Variants in PCDH11Y observed in about 807,000 individuals in gnomAD.
The protein encoded by PCDH11Y is protocadherin 11 Y-linked.
For synonymous variants in PCDH11Y, 9 were observed against 83.6 expected, an observed-to-expected ratio of 0.11 and a Z score of 4.87; for missense variants, 12 against 224.8, an observed-to-expected ratio of 0.05 and a Z score of 6.05.
chrY:5,654,150 C>G, intron 4 of PCDH11Y, among the ~76,000 whole-genome samples: 4 of 33,103 alleles, frequency 1.2e-4, no homozygotes, highest in African/African-American at 2.4e-4. Flanking sequence ...CCAGCCACTA[C>G]AAACACATGC....
intron 3 of PCDH11Y, among the ~76,000 whole-genome samples, chrY:5,511,972 C>T: frequency 1.2e-4 from 4 of 32,517 alleles, no homozygotes; most frequent in Admixed American, 1.1e-3. Flanking sequence ...TGAAGAGAAG[C>T]ATTCTATTGG....
At chrY:5,004,435 G>C (rs2052536987) in intron 1 of PCDH11Y, among the ~76,000 whole-genome samples, 1 of 33,926 alleles carries the variant, frequency 2.9e-5, no homozygotes, top group Non-Finnish European at 7.3e-5. Context: ...ATTCTTGATA[G>C]AGAGCTTCCA....
At chrY:5,046,424 G>A (rs2052639486) in intron 3 of PCDH11Y, among the ~76,000 whole-genome samples, 3 of 33,722 alleles carry the variant, frequency 8.9e-5, no homozygotes, top group East Asian at 7.9e-4. Flanking sequence ...TAGGCTGCTC[G>A]GGGGTCAGGG....
intron 3 of PCDH11Y, chrY:5,573,457 G>A: frequency 3.4e-6 from 1 of 297,682 alleles, no homozygotes. Context: ...ACTGAGAACC[G>A]TAGGCTGGAG....
chrY:5,320,827 G>A (rs1602903936), intron 2 of PCDH11Y, among the ~76,000 whole-genome samples: 1 of 33,246 alleles, frequency 3.0e-5, no homozygotes, highest in African/African-American at 1.2e-4. Flanking sequence ...AATAAATATA[G>A]ATTCATTCTG....
chrY:5,496,085 C>T (rs371193483), intron 2 of PCDH11Y, among the ~76,000 whole-genome samples: 9 of 33,389 alleles, frequency 2.7e-4, no homozygotes, highest in African/African-American at 1.1e-3. Context: ...TTCATGAAAA[C>T]GCCAGGATTT....
chrY:5,379,114 T>C, intron 2 of PCDH11Y, among the ~76,000 whole-genome samples: 1 of 32,300 alleles, frequency 3.1e-5, no homozygotes, highest in Non-Finnish European at 7.5e-5. Flanking sequence ...AGTCTACCTA[T>C]CTATTGATTG....
intron 4 of PCDH11Y, among the ~76,000 whole-genome samples, chrY:5,594,482 CCACA>C: frequency 3.2e-5 from 1 of 31,345 alleles, no homozygotes; most frequent in South Asian, 7.3e-4. Context: ...CACACACACC[CCACA>C]CACACACACC....
intron 4 of PCDH11Y, among the ~76,000 whole-genome samples, chrY:5,667,758 ATGT>A (rs2053546195): frequency 3.0e-5 from 1 of 33,153 alleles, no homozygotes; most frequent in Non-Finnish European, 7.4e-5. Flanking sequence ...ATAGTTGCTG[ATGT>A]TGTCAAACCT....
intron 2 of PCDH11Y, among the ~76,000 whole-genome samples, chrY:5,365,901 G>A: frequency 3.0e-5 from 1 of 33,116 alleles, no homozygotes; most frequent in South Asian, 6.6e-4. Flanking sequence ...TTATTAGTAT[G>A]GGCCCATACC....
At chrY:5,116,400 C>A in intron 2 of PCDH11Y, among the ~76,000 whole-genome samples, 1 of 33,313 alleles carries the variant, frequency 3.0e-5, no homozygotes, top group African/African-American at 1.2e-4. Context: ...AAGTCGGTGA[C>A]TATTTTCTTC....
downstream of PCDH11Y, among the ~76,000 whole-genome samples, chrY:5,108,115 T>G (rs13305340): frequency 3.2e-5 from 1 of 31,417 alleles, no homozygotes; most frequent in African/African-American, 1.2e-4. Context: ...AAAGGAACTT[T>G]TAGTGAACTT....
At chrY:5,421,505 A>G (rs2053258296) in intron 2 of PCDH11Y, among the ~76,000 whole-genome samples, 1 of 31,387 alleles carries the variant, frequency 3.2e-5, no homozygotes, top group South Asian at 7.1e-4. Flanking sequence ...AAAGTTCTCA[A>G]CAAACATTAG....
chrY:5,183,489 C>G, intron 2 of PCDH11Y, among the ~76,000 whole-genome samples: 1 of 31,130 alleles, frequency 3.2e-5, no homozygotes, highest in South Asian at 7.5e-4. Flanking sequence ...TAAACTGTTA[C>G]TTGTTCTTCT....
chrY:5,506,017 A>G (rs2053358734), intron 3 of PCDH11Y, among the ~76,000 whole-genome samples: 1 of 32,507 alleles, frequency 3.1e-5, no homozygotes, highest in African/African-American at 1.2e-4. Flanking sequence ...GTGAAACGTT[A>G]AAAGAATAAG....
At chrY:5,027,696 A>C in intron 1 of PCDH11Y, among the ~76,000 whole-genome samples, 1 of 18,289 alleles carries the variant, frequency 5.5e-5, no homozygotes, top group African/African-American at 2.7e-4. Flanking sequence ...GTGCTAAAAC[A>C]CCTCCACTTA....
intron 4 of PCDH11Y, among the ~76,000 whole-genome samples, chrY:5,677,187 G>A (rs2124709102): frequency 3.1e-5 from 1 of 32,164 alleles, no homozygotes; most frequent in South Asian, 7.3e-4. Flanking sequence ...GAGCAAAGGG[G>A]GAAAAGCCCT....
intron 1 of PCDH11Y, among the ~76,000 whole-genome samples, chrY:5,072,615 C>T (rs2052702024): frequency 7.3e-4 from 24 of 32,902 alleles, no homozygotes; most frequent in Non-Finnish European, 3.7e-4. Context: ...ACTGACTGTA[C>T]ATCAGAAAAT....
intron 4 of PCDH11Y, among the ~76,000 whole-genome samples, chrY:5,684,820 C>A (rs2053561984): frequency 3.2e-5 from 1 of 31,487 alleles, no homozygotes; most frequent in Non-Finnish European, 7.8e-5. Context: ...GGATAGTTAC[C>A]AGTAGCTGGA....
Sources: allele counts gnomAD v4.1 joint callset (sites outside exome capture counted in the v4.1 genomes callset), GRCh38; gene constraint gnomAD v4.1.1; transcripts MANE v1.5; gene names NCBI Gene and HGNC (gene_info 2026-07-23, HGNC 2026-07-21).